CIT: variants seen among roughly 807,000 people sequenced by gnomAD.
CIT encodes the protein citron rho-interacting serine/threonine kinase.
Under a neutral mutation model 272.7 loss-of-function variants are expected in CIT, and 79 were observed. That is an observed-to-expected ratio of 0.29 (90% confidence interval 0.24 to 0.35). The LOEUF (loss-of-function observed/expected upper bound fraction) is 0.35. CIT is among the 10% of genes least tolerant of loss of function. The probability of loss-of-function intolerance (pLI) is 1.00; values close to 1 mark genes in which losing one functional copy is unlikely to be tolerated. For synonymous variants in CIT, 948 were observed against 995.6 expected, an observed-to-expected ratio of 0.95 and a Z score of 0.90; for missense variants, 1,909 against 2,618.3, an observed-to-expected ratio of 0.73 and a Z score of 5.91.
At chr12:119,799,038 A>G (rs1965973784) in intron 10 of CIT, among the ~76,000 whole-genome samples, 1 of 151,984 alleles carries the variant, frequency 6.6e-6, no homozygotes, top group South Asian at 2.1e-4. Flanking sequence ...CCCAACATCC[A>G]CCTTTTACCA....
chr12:119,707,172 G>A (rs1449274386), intron 40 of CIT, among the ~76,000 whole-genome samples: 3 of 152,086 alleles, frequency 2.0e-5, no homozygotes, highest in Non-Finnish European at 4.4e-5. Context: ...CTCTCTCACA[G>A]ACACAGCAGA....
In CIT at chr12:119,782,590, C is replaced by T. The variant is rs766145412; in HGVS notation, c.1593G>A (p.Glu531=). The change falls in exon 13 of 48, where the codon GAG becomes GAA. Residue 531 remains glutamate, a synonymous_variant. Transcript: ENST00000392521. ...GGAGAAGCTGCAGTGCTTTGTCATCCTCCTGGGACACCTCCATCCGTGCTT... is the reference window on the plus strand; with the variant it reads ...GGAGAAGCTGCAGTGCTTTGTCATCTTCCTGGGACACCTCCATCCGTGCTT... ...LEQARMEVSQ[E]DDKALQLLHD... is the part of the protein sequence containing the mutation. 7.4e-6 allele frequency: 12 copies of T among 1,614,082 alleles called. No individual in the cohort carries two copies. Among genetic ancestry groups the T allele is most frequent in the Middle Eastern group, 1.6e-4 (1 of 6,084 alleles).
chr12:119,818,898 G>T (rs1967442501), intron 9 of CIT, among the ~76,000 whole-genome samples: 1 of 152,170 alleles, frequency 6.6e-6, no homozygotes. Flanking sequence ...AAAAGATGTT[G>T]ATAGAAGACA....
chr12:119,732,773 G>A (rs1021516735), intron 26 of CIT, among the ~76,000 whole-genome samples: 13 of 152,258 alleles, frequency 8.5e-5, no homozygotes, highest in Middle Eastern at 6.8e-3. Context: ...ATATTTCTAT[G>A]GATAGCTAAT....
At chr12:119,853,324 CAAAAAAAAA>C (rs199867661) in intron 4 of CIT, among the ~76,000 whole-genome samples, 1 of 82,704 alleles carries the variant, frequency 1.2e-5, no homozygotes, top group Non-Finnish European at 2.9e-5. Flanking sequence ...ACTCTGTCTC[CAAAAAAAAA>C]AAAAAAAATG....
rs1249017665 is a variant in CIT, at chr12:119,815,087, CCACACACACACACACACAACACACACA to C, written c.1111+7706_1111+7732del. 3.9e-5 allele frequency among the ~76,000 whole-genome samples: 4 copies of C among 103,038 alleles called. No individual in the cohort carries two copies. The East Asian group carries it at 1.3e-3, about 34-fold the overall frequency. 67.6% of individuals were successfully genotyped at this position (103,038 alleles called of 152,430 possible). On this transcript the variant is annotated intron_variant, in intron 9 of 47. Coordinates refer to ENST00000392521, the MANE Select transcript of CIT (RefSeq NM_001206999.2). ...AAACGAATATGTGCGTGCTCACATA[CCACACACACACACACACAACACACACA>C]CACACACACACACACACACTAAATG...
chr12:119,707,195 C>A (rs1956920306), intron 40 of CIT, among the ~76,000 whole-genome samples: 1 of 152,146 alleles, frequency 6.6e-6, no homozygotes, highest in African/African-American at 2.4e-5. Context: ...TACACACGCA[C>A]ATGCAAACAC....
chr12:119,749,148 C>T (rs1959865264), intron 23 of CIT, among the ~76,000 whole-genome samples: 1 of 152,238 alleles, frequency 6.6e-6, no homozygotes, highest in African/African-American at 2.4e-5. Flanking sequence ...TTTAACTGTG[C>T]TCCATCTCAT....
intron 3 of CIT, 106 bp downstream of exon 3, chr12:119,868,954 C>T (rs763794278): frequency 2.2e-4 from 290 of 1,347,886 alleles, no homozygotes; most frequent in Non-Finnish European, 2.8e-4. Flanking sequence ...TATATAGAAC[C>T]AGAGTTCTTA....
rs141553269 is a variant in CIT at position 119,748,075 on chromosome 12, T to C, written c.2904+3975A>G. 2.0e-3 allele frequency among the ~76,000 whole-genome samples: 310 copies of C among 151,786 alleles called. 1 individual carries two copies. Among genetic ancestry groups the C allele is most frequent in the African/African-American group, 6.9e-3 (287 of 41,360 alleles). On this transcript the variant is annotated intron_variant, in intron 23 of 47. Transcript: ENST00000392521. ...GCTACTTGGGAGGCTGAGGTGGGAG[T>C]ATCACTCTTGAGCCTGGGAGTCAAG...
At chr12:119,783,817 A>G in intron 12 of CIT, 91 bp downstream of exon 12, 8 of 1,436,734 alleles carry the variant, frequency 5.6e-6, no homozygotes, top group South Asian at 1.4e-5. Context: ...ATTGGCTGTG[A>G]TGTGCCTCAT....
chr12:119,790,654 C>T (rs1965231623), intron 10 of CIT, among the ~76,000 whole-genome samples: 1 of 152,078 alleles, frequency 6.6e-6, no homozygotes, highest in South Asian at 2.1e-4. Context: ...ATGAGAGATA[C>T]CTGCAGACCA....
intron 23 of CIT, among the ~76,000 whole-genome samples, chr12:119,746,385 A>C (rs190761417): frequency 6.6e-6 from 1 of 152,328 alleles, no homozygotes; most frequent in African/African-American, 2.4e-5. Context: ...TTATTTACAG[A>C]AAACAGTGAC....
At chr12:119,711,285 G>A (rs1957146306) in intron 37 of CIT, among the ~76,000 whole-genome samples, 1 of 152,206 alleles carries the variant, frequency 6.6e-6, no homozygotes, top group Non-Finnish European at 1.5e-5. Context: ...GTCTTCGCTG[G>A]AGCAAACGTC....
intron 32 of CIT, 82 bp from the exon 33 acceptor site, chr12:119,714,416 G>GA: frequency 6.9e-7 from 1 of 1,445,550 alleles, no homozygotes; most frequent in East Asian, 2.3e-5. Context: ...CACAGAAAGG[G>GA]AAAAAATACT....
chr12:119,688,610 A>T (rs1955720850), intron 47 of CIT, among the ~76,000 whole-genome samples: 1 of 152,248 alleles, frequency 6.6e-6, no homozygotes, highest in Non-Finnish European at 1.5e-5. Flanking sequence ...AATGCCACCC[A>T]GAAAATCAGC....
chr12:119,850,301 C>T, intron 4 of CIT, 26 bp from the exon 5 acceptor site: 1 of 1,425,126 alleles, frequency 7.0e-7, no homozygotes, highest in Non-Finnish European at 9.8e-7. Flanking sequence ...ACTGCTTAGA[C>T]AATTATAAAG....
At chr12:119,859,736 C>T (rs1158177868) in intron 3 of CIT, among the ~76,000 whole-genome samples, 1 of 151,978 alleles carries the variant, frequency 6.6e-6, no homozygotes, top group African/African-American at 2.4e-5. Flanking sequence ...ATCACTTGAA[C>T]CTGGGAGGTG....
Position 119,784,414 on chromosome 12 carries a change from C to T in CIT, c.1402-363G>A, listed in dbSNP as rs1273472564. The T allele has an allele frequency of 1.6e-6, 2 of 1,220,694 alleles. No homozygotes were observed. The highest frequency in any genetic ancestry group is 6.5e-5 in the Admixed American group (2 of 30,840). The allele number at this position is 1,220,694 out of a possible 1,614,324, so 75.6% of individuals were successfully genotyped here. On this transcript the variant is annotated intron_variant, in intron 11 of 47. Coordinates refer to ENST00000392521, the MANE Select transcript of CIT (RefSeq NM_001206999.2). This position sits in a 1 kb window ranked among gnomAD's most constrained non-coding sequence, Gnocchi z 4.7. ...ATCCATCTTGATCCCCCCCCATCTCCTTGCAAAGATCTAGAGGACAAATCC... is the reference window on the plus strand; with the variant it reads ...ATCCATCTTGATCCCCCCCCATCTCTTTGCAAAGATCTAGAGGACAAATCC...
Sources: allele counts gnomAD v4.1 joint callset (sites outside exome capture counted in the v4.1 genomes callset), GRCh38; gene constraint gnomAD v4.1.1; non-coding constraint Gnocchi (gnomAD v3.1); transcripts MANE v1.5; gene names NCBI Gene and HGNC (gene_info 2026-07-23, HGNC 2026-07-21).